Variants in LRRC4C observed in about 807,000 individuals in gnomAD.
The protein encoded by LRRC4C is leucine-rich repeat-containing protein 4C.
A neutral mutation model predicts 33.6 loss-of-function variants in LRRC4C; 5 were observed. The ratio of observed to expected loss-of-function variants is 0.15; its 90% confidence interval spans 0.08 to 0.31. The LOEUF is 0.31. Among genes scored for constraint, LRRC4C ranks in the 10% least tolerant of loss-of-function variants. The pLI, the probability that LRRC4C is intolerant of heterozygous loss-of-function variation, is 1.00. For missense variants in LRRC4C, 560 were observed against 796.7 expected (o/e 0.70, Z 3.58); for synonymous variants, 329 against 302.0 (o/e 1.09, Z -0.93).
chr11:40,163,815 G>A (rs1859363733), intron 5 of LRRC4C, among the ~76,000 whole-genome samples: 3 of 151,862 alleles, frequency 2.0e-5, no homozygotes, highest in African/African-American at 7.3e-5. Flanking sequence ...ACTTGCTTTT[G>A]CAAAAGCAAG....
At chr11:40,960,202 T>C (rs886567775) in intron 1 of LRRC4C, among the ~76,000 whole-genome samples, 2 of 151,764 alleles carry the variant, frequency 1.3e-5, no homozygotes, top group African/African-American at 2.4e-5. Flanking sequence ...ATTCTGTATC[T>C]ATAAAAATGT....
intron 3 of LRRC4C, among the ~76,000 whole-genome samples, chr11:40,387,128 A>C (rs1025705289): frequency 6.6e-6 from 1 of 152,156 alleles, no homozygotes; most frequent in Admixed American, 6.6e-5. Flanking sequence ...ATTATATAGA[A>C]TTATTCCTTT....
At chr11:40,124,322 G>T (rs1233567110) in intron 6 of LRRC4C, among the ~76,000 whole-genome samples, 1 of 152,018 alleles carries the variant, frequency 6.6e-6, no homozygotes, top group East Asian at 1.9e-4. Flanking sequence ...CCCTAAAAAA[G>T]GAAATCAATA....
intron 1 of LRRC4C, among the ~76,000 whole-genome samples, chr11:41,392,572 A>C (rs145497536): frequency 6.6e-6 from 1 of 151,804 alleles, no homozygotes; most frequent in East Asian, 1.9e-4. Context: ...CAAAAAAAAA[A>C]ACATCGTTAC....
At chr11:41,419,463 G>A (rs1954800806) in intron 1 of LRRC4C, among the ~76,000 whole-genome samples, 1 of 151,858 alleles carries the variant, frequency 6.6e-6, no homozygotes, top group Non-Finnish European at 1.5e-5. Context: ...TCCAGGTAGG[G>A]TTGAGACTGT....
intron 3 of LRRC4C, among the ~76,000 whole-genome samples, chr11:40,540,353 T>C (rs1305380852): frequency 6.6e-6 from 1 of 152,158 alleles, no homozygotes; most frequent in Non-Finnish European, 1.5e-5. Context: ...AAAAATAAAC[T>C]GTCAGGTCTG....
At chr11:40,898,289 G>C (rs1001590348) in intron 2 of LRRC4C, among the ~76,000 whole-genome samples, 1 of 146,286 alleles carries the variant, frequency 6.8e-6, no homozygotes, top group Non-Finnish European at 1.5e-5. Context: ...GGGAGGCGGA[G>C]GTTGTGGTGG....
intron 3 of LRRC4C, among the ~76,000 whole-genome samples, chr11:40,342,542 A>G (rs560868072): frequency 6.6e-6 from 1 of 152,282 alleles, no homozygotes; most frequent in Non-Finnish European, 1.5e-5. Flanking sequence ...ACTGCGATTC[A>G]GTAGAAAATA....
At chr11:41,172,504 A>T (rs1389968585) in intron 1 of LRRC4C, among the ~76,000 whole-genome samples, 1 of 152,188 alleles carries the variant, frequency 6.6e-6, no homozygotes, top group Non-Finnish European at 1.5e-5. Context: ...GATAAGACTC[A>T]GTGCCTAGCA....
intron 2 of LRRC4C, among the ~76,000 whole-genome samples, chr11:40,721,513 ATTACCTAACTT>A (rs1211118953): frequency 6.6e-6 from 1 of 152,230 alleles, no homozygotes; most frequent in Non-Finnish European, 1.5e-5. Flanking sequence ...AGCAGCTGAT[ATTACCTAACTT>A]TTGCCAAGTA....
At chr11:40,613,721 T>G (rs1458466202) in intron 3 of LRRC4C, among the ~76,000 whole-genome samples, 2 of 151,852 alleles carry the variant, frequency 1.3e-5, no homozygotes, top group East Asian at 1.9e-4. Context: ...CTATGGCAGC[T>G]ACAGCCTTAT....
intron 1 of LRRC4C, among the ~76,000 whole-genome samples, chr11:40,994,583 T>G (rs996422615): frequency 2.6e-5 from 4 of 152,164 alleles, no homozygotes; most frequent in South Asian, 2.1e-4. Context: ...TTTCCCCTAC[T>G]ACCAGAAATT....
At position 40,813,318 on chromosome 11, in the gene LRRC4C, G is replaced by A. The variant is rs142864056; in HGVS notation, c.-407+120317C>T. ...GCTGGAGGGGCCTCATAATCATGGC[G>A]GAAGGCAAAGGAGGAGCAAAGACAT... is the stretch of plus-strand genomic sequence containing the variant. On this transcript the variant is annotated intron_variant, in intron 2 of 6. Transcript: ENST00000528697. Among the ~76,000 whole-genome samples the A allele has an allele frequency of 5.7e-3, 870 of 152,252 alleles. 4 individuals carry two copies. The highest frequency in any genetic ancestry group is 9.5e-3 in the Non-Finnish European group (645 of 68,002).
chr11:40,770,922 A>G (rs899810038), intron 2 of LRRC4C, among the ~76,000 whole-genome samples: 9 of 152,160 alleles, frequency 5.9e-5, no homozygotes, highest in African/African-American at 2.2e-4. Context: ...AGCTGTTTTC[A>G]TGCACTGGCA....
chr11:41,083,786 G>A (rs1161569984), intron 1 of LRRC4C, among the ~76,000 whole-genome samples: 1 of 152,198 alleles, frequency 6.6e-6, no homozygotes, highest in African/African-American at 2.4e-5. Flanking sequence ...GTTGTGACAA[G>A]ATGGCAAGGG....
intron 1 of LRRC4C, among the ~76,000 whole-genome samples, chr11:41,347,518 T>C (rs555925254): frequency 2.9e-4 from 44 of 152,288 alleles, no homozygotes; most frequent in African/African-American, 1.0e-3. Context: ...CAAGGGTGAA[T>C]TGCTTTTTTT....
intron 1 of LRRC4C, among the ~76,000 whole-genome samples, chr11:41,123,653 T>C (rs1029182136): frequency 5.3e-5 from 8 of 150,628 alleles, no homozygotes; most frequent in Non-Finnish European, 1.0e-4. Flanking sequence ...ATTCATTCTT[T>C]CCCAGCTTCT....
intron 1 of LRRC4C, among the ~76,000 whole-genome samples, chr11:41,069,372 C>A (rs1056370084): frequency 1.3e-5 from 2 of 152,142 alleles, no homozygotes; most frequent in Non-Finnish European, 2.9e-5. Flanking sequence ...GACAAGGATG[C>A]CCTCTCTCAC....
At chr11:40,290,466 T>C (rs1241653907) in intron 4 of LRRC4C, among the ~76,000 whole-genome samples, 2 of 152,242 alleles carry the variant, frequency 1.3e-5, no homozygotes, top group African/African-American at 4.8e-5. Flanking sequence ...AGTGCTCAGC[T>C]GTAGGCTAGT....
Sources: allele counts gnomAD v4.1 joint callset (sites outside exome capture counted in the v4.1 genomes callset), GRCh38; gene constraint gnomAD v4.1.1; transcripts MANE v1.5; gene names NCBI Gene and HGNC (gene_info 2026-07-23, HGNC 2026-07-21).